Variants in TRIM2 observed in about 807,000 individuals in gnomAD.
TRIM2 encodes tripartite motif-containing protein 2.
In TRIM2, 20 loss-of-function variants were observed where a neutral mutation model predicts 75.2. The ratio of observed to expected loss-of-function variants is 0.27; its 90% CI spans 0.19 to 0.39. The LOEUF (loss-of-function observed/expected upper bound fraction) is 0.39. TRIM2 is among the 10% of genes least tolerant of loss of function. TRIM2 has a pLI of 1.00. For missense variants in TRIM2, 660 were observed against 990.8 expected (o/e 0.67, Z 4.48); for synonymous variants, 373 against 388.3 (o/e 0.96, Z 0.46).
At chr4:153,172,313 G>C (rs1025308592) in intron 1 of TRIM2, among the ~76,000 whole-genome samples, 1 of 151,930 alleles carries the variant, frequency 6.6e-6, no homozygotes, top group Non-Finnish European at 1.5e-5. Context: ...TCAGCCTCCC[G>C]AGTAGCTGGG....
chr4:153,299,734 G>A (rs892375020), intron 6 of TRIM2, among the ~76,000 whole-genome samples: 12 of 151,994 alleles, frequency 7.9e-5, no homozygotes, highest in Admixed American at 1.3e-4. Context: ...GCTTTGACCC[G>A]AGTCACCCCT....
At chr4:153,223,885 A>C (rs1384245324) in intron 1 of TRIM2, among the ~76,000 whole-genome samples, 1 of 152,202 alleles carries the variant, frequency 6.6e-6, no homozygotes, top group Non-Finnish European at 1.5e-5. Flanking sequence ...CTAGCCCCTT[A>C]GGGTGTGAGG....
At chr4:153,319,784 G>T (rs1477719364) in intron 8 of TRIM2, among the ~76,000 whole-genome samples, 1 of 151,906 alleles carries the variant, frequency 6.6e-6, no homozygotes, top group Non-Finnish European at 1.5e-5. Context: ...GTTTAAGATG[G>T]GGTTGACACA....
intron 1 of TRIM2, among the ~76,000 whole-genome samples, chr4:153,231,625 T>G (rs767969410): frequency 6.6e-6 from 1 of 152,270 alleles, no homozygotes; most frequent in Admixed American, 6.5e-5. Flanking sequence ...TCAGTGCCTA[T>G]TGGAGAAATA....
intron 1 of TRIM2, among the ~76,000 whole-genome samples, chr4:153,230,831 C>T (rs2149799335): frequency 6.6e-6 from 1 of 152,308 alleles, no homozygotes; most frequent in East Asian, 1.9e-4. Flanking sequence ...CCTATAATTT[C>T]ATCAACATAG....
At chr4:153,324,012 C>T in intron 9 of TRIM2, 66 bp from the exon 10 acceptor site, 3 of 1,243,450 alleles carry the variant, frequency 2.4e-6, no homozygotes, top group Non-Finnish European at 3.5e-6. Context: ...TTGTTTGTTA[C>T]AGTAACTGCT....
intron 1 of TRIM2, among the ~76,000 whole-genome samples, chr4:153,188,417 A>G (rs1431072396): frequency 2.6e-5 from 4 of 152,154 alleles, no homozygotes; most frequent in Admixed American, 2.0e-4. Flanking sequence ...CTGAGACCAT[A>G]CCACTGCACT....
chr4:153,244,375 C>G (rs1411365292), intron 1 of TRIM2, among the ~76,000 whole-genome samples: 2 of 59,588 alleles, frequency 3.4e-5, no homozygotes, highest in South Asian at 1.1e-3. Context: ...TCTTCTTCTT[C>G]TTCTTCTTCT....
chr4:153,186,998 T>A (rs1478252713), intron 1 of TRIM2, among the ~76,000 whole-genome samples: 1 of 152,174 alleles, frequency 6.6e-6, no homozygotes, highest in Admixed American at 6.5e-5. Flanking sequence ...AAAAATCCAA[T>A]GTTAAAAATT....
At chr4:153,232,738 C>T (rs1578755819) in intron 1 of TRIM2, among the ~76,000 whole-genome samples, 1 of 152,166 alleles carries the variant, frequency 6.6e-6, no homozygotes, top group African/African-American at 2.4e-5. Context: ...GGTAATGTGT[C>T]GTTAAGTCTA....
At position 153,308,530 on chromosome 4, in the gene TRIM2, CTTCTCTGGTAGGTGAAGGCAATA is replaced by C. The variant is rs139995480; in HGVS notation, c.1511-6953_1511-6931del. On this transcript the variant is annotated intron_variant, in intron 6 of 11. Coordinates refer to ENST00000338700, the MANE Select transcript of TRIM2 (RefSeq NM_015271.5). ...TGCTGATACAAGTTCCTTTTTGGTC[CTTCTCTGGTAGGTGAAGGCAATA>C]TCCTGTCTCTGTGCATTGCTGTGGT... The C allele has an allele frequency of 5.3e-3, 3,914 of 742,312 alleles. 20 individuals are homozygous for C. The highest frequency in any genetic ancestry group is 7.6e-3 in the Non-Finnish European group (3,054 of 403,700). 46.0% of individuals were successfully genotyped at this position (742,312 alleles called of 1,614,324 possible).
chr4:153,337,342 T>A lies in TRIM2; in HGVS notation c.*2376T>A. The A allele has an allele frequency of 1.0e-6, 1 of 985,890 alleles. No individual in the cohort carries two copies. The highest frequency in any genetic ancestry group is 1.7e-5 in the African/African-American group (1 of 57,364). 61.1% of individuals were successfully genotyped at this position (985,890 alleles called of 1,614,324 possible). On this transcript the variant is annotated 3_prime_UTR_variant, in exon 12 of 12. Coordinates refer to ENST00000338700, the MANE Select transcript of TRIM2 (RefSeq NM_015271.5). ...ACTTACAATCTAACCAGCCATCATA[T>A]CATATCCTATCAGGCTAGATATCTC... is the stretch of plus-strand genomic sequence containing the variant.
At chr4:153,325,113 G>A (rs9991887) in intron 10 of TRIM2, among the ~76,000 whole-genome samples, 1,658 of 152,260 alleles carry the variant, frequency 0.011, 23 homozygotes, top group East Asian at 0.076. Context: ...TAATGACTGC[G>A]ATAGCTAGAT....
chr4:153,325,306 A>C (rs1579746389), intron 10 of TRIM2, among the ~76,000 whole-genome samples: 1 of 152,138 alleles, frequency 6.6e-6, no homozygotes, highest in African/African-American at 2.4e-5. Flanking sequence ...CAGGGTGCCC[A>C]CCGTTGCTTT....
intron 1 of TRIM2, among the ~76,000 whole-genome samples, chr4:153,211,467 G>A (rs998027698): frequency 2.7e-5 from 4 of 150,576 alleles, no homozygotes; most frequent in African/African-American, 9.8e-5. Flanking sequence ...TTGCCTGCTT[G>A]CTTTTTTGTT....
intron 1 of TRIM2, among the ~76,000 whole-genome samples, chr4:153,255,760 G>A (rs1283778972): frequency 6.6e-6 from 1 of 152,184 alleles, no homozygotes; most frequent in African/African-American, 2.4e-5. Context: ...ATGGAATATC[G>A]TTCAGCCATA....
intron 1 of TRIM2, among the ~76,000 whole-genome samples, chr4:153,184,269 T>C (rs1732368612): frequency 6.6e-6 from 1 of 152,144 alleles, no homozygotes; most frequent in South Asian, 2.1e-4. Flanking sequence ...TGGTTCCTGA[T>C]GAGGGCTCAT....
chr4:153,311,913 TA>T (rs1168873080), intron 6 of TRIM2, among the ~76,000 whole-genome samples: 3 of 149,264 alleles, frequency 2.0e-5, no homozygotes, highest in African/African-American at 7.4e-5. Context: ...TTTATTTATT[TA>T]TTTATTTATT....
intron 1 of TRIM2, among the ~76,000 whole-genome samples, chr4:153,223,464 G>A (rs1741261453): frequency 6.6e-6 from 1 of 152,128 alleles, no homozygotes; most frequent in Admixed American, 6.5e-5. Context: ...CCTTCCTTTA[G>A]CCTCCTCTTT....
Sources: gnomAD v4.1 joint callset for allele counts (sites outside exome capture counted in the v4.1 genomes callset) on GRCh38, gnomAD v4.1.1 for gene constraint, MANE v1.5 for transcripts, NCBI Gene and HGNC (gene_info 2026-07-23, HGNC 2026-07-21) for gene names.